SMYD3: variants seen among roughly 807,000 people sequenced by gnomAD.
SMYD3 encodes SET and MYND domain containing 3.
Under a neutral mutation model 57.7 loss-of-function variants are expected in SMYD3, and 36 were observed. The ratio of observed to expected loss-of-function variants is 0.62; its 90% confidence interval spans 0.48 to 0.82. The LOEUF (loss-of-function observed/expected upper bound fraction) is 0.82, where lower values mean the gene tolerates loss of function less well. SMYD3 is among the 40% of genes least tolerant of loss of function. The pLI, the probability that SMYD3 is intolerant of heterozygous loss-of-function variation, is 0.00. For missense variants in SMYD3, 515 were observed against 538.8 expected (o/e 0.96, Z 0.44); for synonymous variants, 211 against 195.0 (o/e 1.08, Z -0.68).
chr1:245,848,813 G>A (rs2050801240), intron 10 of SMYD3, among the ~76,000 whole-genome samples: 1 of 152,162 alleles, frequency 6.6e-6, no homozygotes, highest in African/African-American at 2.4e-5. Context: ...TGGGATTTTG[G>A]AGTAAAGGGA....
intron 10 of SMYD3, among the ~76,000 whole-genome samples, chr1:245,818,121 G>GA (rs1227418733): frequency 6.6e-6 from 1 of 152,036 alleles, no homozygotes; most frequent in Non-Finnish European, 1.5e-5. Flanking sequence ...TGAAATGAAG[G>GA]AAAAAATGTT....
At chr1:245,919,422 C>G (rs2055697993) in intron 7 of SMYD3, among the ~76,000 whole-genome samples, 1 of 152,204 alleles carries the variant, frequency 6.6e-6, no homozygotes. Flanking sequence ...CTCCTCCACA[C>G]TCAGCCTCCT....
chr1:245,988,755 G>T (rs897427392), intron 5 of SMYD3, among the ~76,000 whole-genome samples: 2 of 152,240 alleles, frequency 1.3e-5, no homozygotes, highest in Non-Finnish European at 2.9e-5. Flanking sequence ...CTCTGGCAGA[G>T]AACGGTTTGG....
At chr1:246,456,475 C>A (rs1045625057) in intron 1 of SMYD3, among the ~76,000 whole-genome samples, 52 of 152,286 alleles carry the variant, frequency 3.4e-4, no homozygotes, top group African/African-American at 1.2e-3. Flanking sequence ...ATCTCACAGG[C>A]ACCTCAAATT....
chr1:246,391,194 TG>T (rs1351043661), intron 1 of SMYD3, among the ~76,000 whole-genome samples: 5 of 142,528 alleles, frequency 3.5e-5, no homozygotes, highest in Non-Finnish European at 7.5e-5. Flanking sequence ...AAGATCAGCC[TG>T]GGCAACTAAG....
intron 1 of SMYD3, among the ~76,000 whole-genome samples, chr1:246,495,872 G>A (rs2068352845): frequency 6.6e-6 from 1 of 151,994 alleles, no homozygotes; most frequent in East Asian, 1.9e-4. Context: ...GGCTTAGGTG[G>A]CAGAATTGCT....
intron 5 of SMYD3, among the ~76,000 whole-genome samples, chr1:246,171,561 A>G (rs569094944): frequency 1.3e-4 from 20 of 152,312 alleles, no homozygotes; most frequent in African/African-American, 4.3e-4. Context: ...TAGATGAGAC[A>G]GTCTACTACA....
intron 1 of SMYD3, among the ~76,000 whole-genome samples, chr1:246,411,447 C>T (rs546665267): frequency 1.4e-3 from 210 of 152,234 alleles, no homozygotes; most frequent in Non-Finnish European, 2.2e-3. Context: ...ACTAGAAATA[C>T]CATTTGACCC....
At chr1:246,161,108 G>A (rs1374503304) in intron 5 of SMYD3, among the ~76,000 whole-genome samples, 1 of 152,144 alleles carries the variant, frequency 6.6e-6, no homozygotes, top group Non-Finnish European at 1.5e-5. Context: ...TTCACTGGCA[G>A]CACCACCCCG....
At chr1:246,471,839 T>C (rs2067965087) in intron 1 of SMYD3, among the ~76,000 whole-genome samples, 1 of 152,186 alleles carries the variant, frequency 6.6e-6, no homozygotes, top group Admixed American at 6.5e-5. Context: ...GGCTAAAAAC[T>C]ATGCAGGTAC....
At chr1:245,862,705 T>C (rs1225605146) in intron 9 of SMYD3, among the ~76,000 whole-genome samples, 1 of 152,236 alleles carries the variant, frequency 6.6e-6, no homozygotes, top group Non-Finnish European at 1.5e-5. Context: ...AGCTATTCAG[T>C]TAGCTTTGCT....
Position 245,817,064 on chromosome 1 carries a change from C to G in SMYD3, c.1076+41432G>C, listed in dbSNP as rs555538535. Among the ~76,000 whole-genome samples the G allele has an allele frequency of 3.7e-3, 560 of 151,662 alleles. 2 individuals are homozygous for G. The highest frequency in any genetic ancestry group is 6.2e-3 in the Non-Finnish European group (422 of 67,856). On this transcript the variant is annotated intron_variant, in intron 10 of 11. Transcript: ENST00000490107. ...CCCACCACAGCTCAAGGAGGCCTGC[C>G]TGCCTCTGTAGGCTCCACCTCTGGG... is the stretch of plus-strand genomic sequence containing the variant.
intron 5 of SMYD3, among the ~76,000 whole-genome samples, chr1:246,112,272 C>A (rs1027092086): frequency 2.0e-5 from 3 of 152,158 alleles, no homozygotes; most frequent in South Asian, 2.1e-4. Flanking sequence ...GAGAAGCCAT[C>A]CATTTTCTTG....
chr1:246,363,516 G>T (rs1462815902), intron 1 of SMYD3, among the ~76,000 whole-genome samples: 3 of 152,204 alleles, frequency 2.0e-5, no homozygotes, highest in African/African-American at 4.8e-5. Context: ...AAATCGGATG[G>T]TTGCCGTGTC....
At chr1:246,028,396 G>A (rs1199394144) in intron 5 of SMYD3, among the ~76,000 whole-genome samples, 5 of 152,104 alleles carry the variant, frequency 3.3e-5, no homozygotes, top group African/African-American at 1.2e-4. Flanking sequence ...CAGTAAAGTT[G>A]CAAGATACAA....
intron 1 of SMYD3, among the ~76,000 whole-genome samples, chr1:246,360,226 A>ATAAAAT (rs1419985745): frequency 2.0e-5 from 3 of 152,194 alleles, no homozygotes; most frequent in African/African-American, 7.2e-5. Flanking sequence ...CTGCAAAAAA[A>ATAAAAT]TAAAATAAAA....
chr1:246,165,731 G>T (rs1386263479), intron 5 of SMYD3, among the ~76,000 whole-genome samples: 1 of 149,860 alleles, frequency 6.7e-6, no homozygotes, highest in Non-Finnish European at 1.5e-5. Flanking sequence ...GAGTGGAGAA[G>T]GTGGCTTGTC....
At chr1:246,149,222 C>T (rs574030443) in intron 5 of SMYD3, among the ~76,000 whole-genome samples, 1 of 152,064 alleles carries the variant, frequency 6.6e-6, no homozygotes, top group Non-Finnish European at 1.5e-5. Flanking sequence ...ATATCAAAAC[C>T]CTTCTTTTCT....
At chr1:246,414,580 T>A (rs1344001565) in intron 1 of SMYD3, among the ~76,000 whole-genome samples, 1 of 151,792 alleles carries the variant, frequency 6.6e-6, no homozygotes. Flanking sequence ...TTTAACTGCA[T>A]ACTATATGTG....
Sources: gnomAD v4.1 joint callset for allele counts (sites outside exome capture counted in the v4.1 genomes callset) on GRCh38, gnomAD v4.1.1 for gene constraint, MANE v1.5 for transcripts, NCBI Gene and HGNC (gene_info 2026-07-23, HGNC 2026-07-21) for gene names.